The following PRIM2 variants were observed in gnomAD, a reference collection of about 807,000 sequenced individuals.
PRIM2 encodes DNA primase large subunit.
PRIM2 carries 39 observed loss-of-function variants against 67.3 expected under a neutral mutation model. That is an observed-to-expected ratio of 0.58 (90% CI 0.45 to 0.76). The LOEUF (loss-of-function observed/expected upper bound fraction) is 0.76, where lower values mean the gene tolerates loss of function less well. Among genes scored for constraint, PRIM2 ranks in the 30% least tolerant of loss-of-function variants. The probability of loss-of-function intolerance (pLI) is 0.00; values close to 1 mark genes in which losing one functional copy is unlikely to be tolerated. For missense variants in PRIM2, 398 were observed against 598.7 expected (o/e 0.66, Z 3.50); for synonymous variants, 143 against 198.7 (o/e 0.72, Z 2.36).
At chr6:57,244,501 C>T in the PRIM2 span, among the ~76,000 whole-genome samples, 1 of 152,152 alleles carries the variant, frequency 6.6e-6, no homozygotes, top group African/African-American at 2.4e-5. Flanking sequence ...TGGCTTACAC[C>T]TGTAATCCTA....
At chr6:57,602,566 T>C (rs1343607700) in intron 11 of PRIM2, among the ~76,000 whole-genome samples, 1 of 152,200 alleles carries the variant, frequency 6.6e-6, no homozygotes, top group Non-Finnish European at 1.5e-5. Flanking sequence ...CTAGCAGCCA[T>C]ACCAGGCAGT....
At chr6:57,332,596 C>T (rs1768088865) in intron 5 of PRIM2, among the ~76,000 whole-genome samples, 1 of 151,924 alleles carries the variant, frequency 6.6e-6, no homozygotes, top group African/African-American at 2.4e-5. Flanking sequence ...GATGGGTTGA[C>T]CCTTTTATCA....
chr6:57,491,502 A>G (rs1213446624), intron 7 of PRIM2, among the ~76,000 whole-genome samples: 31 of 152,280 alleles, frequency 2.0e-4, no homozygotes, highest in Non-Finnish European at 3.7e-4. Flanking sequence ...TTAAAGAGAT[A>G]CATCTCTTTT....
the PRIM2 span, among the ~76,000 whole-genome samples, chr6:57,284,427 AGTTTTTATTT>A: frequency 6.6e-6 from 1 of 152,212 alleles, no homozygotes; most frequent in African/African-American, 2.4e-5. Flanking sequence ...GATCTTAAAC[AGTTTTTATTT>A]GTTTTTATTA....
At chr6:57,482,896 C>T (rs1773664261) in intron 7 of PRIM2, among the ~76,000 whole-genome samples, 1 of 152,124 alleles carries the variant, frequency 6.6e-6, no homozygotes, top group Non-Finnish European at 1.5e-5. Context: ...CCTTGATCCT[C>T]TTAGGAAAGT....
At chr6:57,595,038 C>G (rs1408615399) in intron 10 of PRIM2, among the ~76,000 whole-genome samples, 1 of 152,086 alleles carries the variant, frequency 6.6e-6, no homozygotes, top group Non-Finnish European at 1.5e-5. Context: ...GATCATTAGT[C>G]ATCAGGGAAA....
Position 57,345,692 on chromosome 6 carries a change from G to A in PRIM2, c.459+19647G>A, listed in dbSNP as rs72870446. 2.5e-3 allele frequency among the ~76,000 whole-genome samples: 379 copies of A among 152,258 alleles called. 7 individuals carry two copies. The highest frequency in any genetic ancestry group is 0.018 in the Admixed American group (273 of 15,292). On this transcript the variant is annotated intron_variant, in intron 5 of 13. Transcript: ENST00000615550. ...GCAAGAAAGAATTTGGGATGAGTCC[G>A]TAGAGTAAAGTGAAAGCAAGTTTAT...
chr6:57,461,246 G>T (rs1772993737), intron 7 of PRIM2, among the ~76,000 whole-genome samples: 1 of 152,262 alleles, frequency 6.6e-6, no homozygotes, highest in East Asian at 1.9e-4. Context: ...GTGGAAAGAT[G>T]AGCACTGTTA....
intron 7 of PRIM2, among the ~76,000 whole-genome samples, chr6:57,483,950 A>G (rs1773686602): frequency 6.6e-6 from 1 of 152,238 alleles, no homozygotes; most frequent in Non-Finnish European, 1.5e-5. Flanking sequence ...ATGTAGAAGC[A>G]GTAAAAAAGG....
intron 10 of PRIM2, among the ~76,000 whole-genome samples, chr6:57,548,652 G>A (rs1423194385): frequency 4.6e-5 from 7 of 152,202 alleles, no homozygotes; most frequent in Non-Finnish European, 8.8e-5. Flanking sequence ...CTGACAGATT[G>A]TATATGCTTA....
chr6:57,526,097 T>G (rs1361569063), intron 8 of PRIM2, among the ~76,000 whole-genome samples: 1 of 152,154 alleles, frequency 6.6e-6, no homozygotes, highest in African/African-American at 2.4e-5. Flanking sequence ...ATTTATATGG[T>G]TCTGTTTCGG....
intron 8 of PRIM2, among the ~76,000 whole-genome samples, chr6:57,530,039 C>T (rs1442089893): frequency 1.3e-5 from 2 of 152,026 alleles, no homozygotes; most frequent in African/African-American, 2.4e-5. Context: ...AGTTTCCTTC[C>T]CATGGCAACT....
the PRIM2 span, among the ~76,000 whole-genome samples, chr6:57,248,374 A>C: frequency 7.9e-5 from 12 of 152,174 alleles, no homozygotes; most frequent in Admixed American, 7.9e-4. Context: ...TTTAACTTTC[A>C]TTTAATAGTG....
intron 5 of PRIM2, among the ~76,000 whole-genome samples, chr6:57,335,474 T>G (rs1768203301): frequency 6.6e-6 from 1 of 152,134 alleles, no homozygotes; most frequent in Admixed American, 6.5e-5. Context: ...CTGACAGCTT[T>G]GAAGAGAGCA....
At chr6:57,459,527 A>G (rs1369373942) in intron 7 of PRIM2, among the ~76,000 whole-genome samples, 17 of 152,178 alleles carry the variant, frequency 1.1e-4, no homozygotes, top group African/African-American at 4.1e-4. Flanking sequence ...CTAGATTTTT[A>G]AACTGAGCTA....
chr6:57,418,013 A>C (rs1562742490), intron 7 of PRIM2, among the ~76,000 whole-genome samples: 1 of 152,206 alleles, frequency 6.6e-6, no homozygotes, highest in South Asian at 2.1e-4. Flanking sequence ...ATATATCCTA[A>C]TTGCAAATAT....
At chr6:57,639,166 T>C (rs1777180661) in intron 13 of PRIM2, among the ~76,000 whole-genome samples, 1 of 152,008 alleles carries the variant, frequency 6.6e-6, no homozygotes, top group Non-Finnish European at 1.5e-5. Flanking sequence ...GGGTAAATAA[T>C]AAAATTAAGG....
intron 7 of PRIM2, among the ~76,000 whole-genome samples, chr6:57,406,134 T>G (rs1770881363): frequency 6.6e-6 from 1 of 152,218 alleles, no homozygotes; most frequent in Admixed American, 6.5e-5. Context: ...CTCTTAGATG[T>G]AAGCATTCCC....
At chr6:57,410,323 C>T (rs1261746322) in intron 7 of PRIM2, among the ~76,000 whole-genome samples, 23 of 104,708 alleles carry the variant, frequency 2.2e-4, no homozygotes, top group South Asian at 1.4e-3. Context: ...CAGAGTGAAA[C>T]GCCATCTCAA....
Sources: allele counts gnomAD v4.1 joint callset (sites outside exome capture counted in the v4.1 genomes callset), GRCh38; gene constraint gnomAD v4.1.1; transcripts MANE v1.5; gene names NCBI Gene and HGNC (gene_info 2026-07-23, HGNC 2026-07-21).